Variants in GBE1 observed in about 807,000 individuals in gnomAD.
GBE1 encodes 1,4-alpha-glucan-branching enzyme.
In GBE1, 70 loss-of-function variants were observed where a neutral mutation model predicts 88.8. The ratio of observed to expected loss-of-function variants is 0.79; its 90% CI spans 0.65 to 0.96. The LOEUF (loss-of-function observed/expected upper bound fraction) is 0.96, where lower values mean the gene tolerates loss of function less well. Among genes scored for constraint, GBE1 ranks in the 40% least tolerant of loss-of-function variants. GBE1 has a pLI of 0.00. For missense variants in GBE1, 872 were observed against 871.0 expected, an observed-to-expected ratio of 1.00 and a Z score of -0.01; for synonymous variants, 284 against 300.1, an observed-to-expected ratio of 0.95 and a Z score of 0.56.
chr3:81,590,957 T>A (rs1484640831), intron 9 of GBE1, 80 bp downstream of exon 9: 1 of 1,229,814 alleles, frequency 8.1e-7, no homozygotes, highest in African/African-American at 1.5e-5. Context: ...CAACATGAGA[T>A]TGATTAATCA....
intron 1 of GBE1, 55 bp downstream of exon 1, chr3:81,761,320 G>A (rs1706682088): frequency 6.4e-7 from 1 of 1,559,972 alleles, no homozygotes; most frequent in African/African-American, 1.4e-5. Flanking sequence ...TCCCGAGACG[G>A]CTCCTGGGAG....
intron 7 of GBE1, among the ~76,000 whole-genome samples, chr3:81,597,843 C>T (rs1703980780): frequency 6.6e-6 from 1 of 151,796 alleles, no homozygotes; most frequent in Non-Finnish European, 1.5e-5. Flanking sequence ...TTCTAATTGG[C>T]TTAGATGTCT....
At chr3:81,513,066 C>A (rs1192952492) in intron 14 of GBE1, among the ~76,000 whole-genome samples, 1 of 151,536 alleles carries the variant, frequency 6.6e-6, no homozygotes, top group Non-Finnish European at 1.5e-5. Context: ...TTAAACATCA[C>A]AAAATTGCCC....
rs544865246 is a variant in GBE1, at chr3:81,688,364, T to C, written c.313+17080A>G. On this transcript the variant is annotated intron_variant, in intron 2 of 15. Transcript: ENST00000429644. Reference sequence around the variant, plus strand: ...TGAAGGTAGGGATCAAGTTTTATTCTTCTTTGTACCCCAACGCCTAACACA... The same window carrying C: ...TGAAGGTAGGGATCAAGTTTTATTCCTCTTTGTACCCCAACGCCTAACACA... 3.9e-5 allele frequency among the ~76,000 whole-genome samples: 6 copies of C among 152,346 alleles called. No homozygotes were observed. In the East Asian group the frequency reaches 9.6e-4, roughly 24 times the overall value.
At chr3:81,725,380 T>G (rs1363183195) in intron 1 of GBE1, among the ~76,000 whole-genome samples, 1 of 152,174 alleles carries the variant, frequency 6.6e-6, no homozygotes, top group African/African-American at 2.4e-5. Context: ...AATATCACTG[T>G]CTTCCACCTC....
chr3:81,630,940 T>C (rs1032104053), intron 7 of GBE1, among the ~76,000 whole-genome samples: 1 of 152,170 alleles, frequency 6.6e-6, no homozygotes, highest in African/African-American at 2.4e-5. Flanking sequence ...TGGTGGCTCA[T>C]GCCTATAATC....
At chr3:81,705,078 G>A (rs1231454931) in intron 2 of GBE1, among the ~76,000 whole-genome samples, 1 of 152,148 alleles carries the variant, frequency 6.6e-6, no homozygotes, top group African/African-American at 2.4e-5. Flanking sequence ...CCAGCCAGGT[G>A]TGAATGCTAG....
chr3:81,518,998 T>C (rs1702835892), intron 14 of GBE1, among the ~76,000 whole-genome samples: 1 of 151,640 alleles, frequency 6.6e-6, no homozygotes, highest in African/African-American at 2.4e-5. Context: ...CCTTTACATA[T>C]ATAATCTGGA....
At chr3:81,711,355 C>T (rs1705863099) in intron 1 of GBE1, among the ~76,000 whole-genome samples, 1 of 152,110 alleles carries the variant, frequency 6.6e-6, no homozygotes, top group African/African-American at 2.4e-5. Context: ...TTTTTAATAG[C>T]TCAAAAGGGG....
chr3:81,496,660 T>C (rs1258738880), intron 15 of GBE1, among the ~76,000 whole-genome samples: 1 of 152,206 alleles, frequency 6.6e-6, no homozygotes, highest in African/African-American at 2.4e-5. Flanking sequence ...CTCAGTTTAA[T>C]AAGGAGTTCT....
intron 12 of GBE1, 84 bp downstream of exon 12, chr3:81,577,841 C>A: frequency 3.5e-6 from 4 of 1,130,840 alleles, no homozygotes; most frequent in Admixed American, 3.1e-5. Context: ...TCTGAAAAGC[C>A]AAATCAAAAT....
rs148603278 is a variant in GBE1 at position 81,524,159 on chromosome 3, C to T, written c.1934+11036G>A. ...ACTTGCTCCACATCCTCACCAGGAT[C>T]GTTACTGCCTGTCTTTTGGAAAAAA... On this transcript the variant is annotated intron_variant, in intron 14 of 15. Coordinates refer to ENST00000429644, the MANE Select transcript of GBE1 (RefSeq NM_000158.4). Among the ~76,000 whole-genome samples, 942 of 151,810 alleles carry T rather than the reference C, an allele frequency of 6.2e-3. 4 individuals are homozygous for T. The highest frequency in any genetic ancestry group is 0.014 in the African/African-American group (594 of 41,488).
intron 2 of GBE1, among the ~76,000 whole-genome samples, chr3:81,682,715 A>T (rs1368569661): frequency 6.6e-6 from 1 of 152,166 alleles, no homozygotes; most frequent in African/African-American, 2.4e-5. Context: ...CTAAAGACAG[A>T]GTTACCATTA....
chr3:81,652,553 C>T (rs1704865410), intron 3 of GBE1, among the ~76,000 whole-genome samples: 2 of 152,166 alleles, frequency 1.3e-5, no homozygotes, highest in African/African-American at 4.8e-5. Flanking sequence ...TTGCAACCAA[C>T]TGTTAAGGAG....
chr3:81,620,656 A>C (rs770095027), intron 7 of GBE1, among the ~76,000 whole-genome samples: 7 of 152,106 alleles, frequency 4.6e-5, no homozygotes, highest in Non-Finnish European at 1.0e-4. Flanking sequence ...AAAAGAGTAA[A>C]ATGGGGAGGG....
At chr3:81,622,263 G>C (rs1488551044) in intron 7 of GBE1, among the ~76,000 whole-genome samples, 1 of 152,106 alleles carries the variant, frequency 6.6e-6, no homozygotes, top group Non-Finnish European at 1.5e-5. Context: ...TAAATCAATG[G>C]CCAATTCTCA....
intron 1 of GBE1, among the ~76,000 whole-genome samples, chr3:81,710,452 ATTAAT>A (rs1037723468): frequency 6.0e-5 from 9 of 151,232 alleles, no homozygotes; most frequent in African/African-American, 1.9e-4. Context: ...ATTATATTTA[ATTAAT>A]TTAATCTTAT....
At chr3:81,533,700 C>T (rs1703037740) in intron 14 of GBE1, among the ~76,000 whole-genome samples, 1 of 152,034 alleles carries the variant, frequency 6.6e-6, no homozygotes, top group Admixed American at 6.6e-5. Flanking sequence ...ATTCTTCTTC[C>T]TAGAAAATTT....
intron 1 of GBE1, among the ~76,000 whole-genome samples, chr3:81,714,947 C>A (rs928296886): frequency 1.4e-4 from 21 of 152,074 alleles, no homozygotes; most frequent in Admixed American, 6.6e-5. Flanking sequence ...GAGAGGGCCG[C>A]TCTTGTGATC....
Sources: gnomAD v4.1 joint callset for allele counts (sites outside exome capture counted in the v4.1 genomes callset) on GRCh38, gnomAD v4.1.1 for gene constraint, MANE v1.5 for transcripts, NCBI Gene and HGNC (gene_info 2026-07-23, HGNC 2026-07-21) for gene names.